TRDN: variants seen among roughly 807,000 people sequenced by gnomAD.
TRDN encodes the protein triadin in skeletal muscle.
Under a neutral mutation model 149.7 loss-of-function variants are expected in TRDN, and 161 were observed. That is an observed-to-expected ratio of 1.08 (90% CI 0.95 to 1.23). TRDN has a LOEUF of 1.23. TRDN is among the 50% of genes most tolerant of loss of function. The pLI, the probability that TRDN is intolerant of heterozygous loss-of-function variation, is 0.00. For synonymous variants in TRDN, 294 were observed against 250.5 expected, an observed-to-expected ratio of 1.17 and a Z score of -1.64; for missense variants, 896 against 823.5, an observed-to-expected ratio of 1.09 and a Z score of -1.08.
At chr6:123,490,032 T>C (rs1778144469) in intron 9 of TRDN, among the ~76,000 whole-genome samples, 1 of 152,160 alleles carries the variant, frequency 6.6e-6, no homozygotes, top group Admixed American at 6.5e-5. Flanking sequence ...AGAAGATGAA[T>C]GCAGAAAGAC....
At position 123,430,158 on chromosome 6, in the gene TRDN, T is replaced by C. The variant is rs368633340; in HGVS notation, c.1051+7905A>G. On this transcript the variant is annotated intron_variant, in intron 12 of 40. Coordinates refer to ENST00000334268, the MANE Select transcript of TRDN (RefSeq NM_006073.4). ...GGTGGCACGTGCCCATGGTCCCAGC[T>C]ACACAGGAGGCTGAGGTGAGAGTAT... Among the ~76,000 whole-genome samples, 8 of 151,920 alleles carry C rather than the reference T, an allele frequency of 5.3e-5. No homozygotes were observed. In the East Asian group the frequency reaches 1.4e-3, roughly 26 times the overall value.
chr6:123,231,030 T>G (rs1775579440), intron 38 of TRDN, among the ~76,000 whole-genome samples: 1 of 152,000 alleles, frequency 6.6e-6, no homozygotes, highest in South Asian at 2.1e-4. Flanking sequence ...CCCCAAAGTA[T>G]TTGAAAAGAA....
chr6:123,573,083 A>G (rs984418406), intron 1 of TRDN, among the ~76,000 whole-genome samples: 3 of 152,064 alleles, frequency 2.0e-5, no homozygotes, highest in Non-Finnish European at 2.9e-5. Flanking sequence ...AGGTATGTCT[A>G]GCTTTTCCAT....
intron 20 of TRDN, among the ~76,000 whole-genome samples, chr6:123,360,295 T>G (rs896532878): frequency 6.6e-6 from 1 of 151,992 alleles, no homozygotes; most frequent in Non-Finnish European, 1.5e-5. Flanking sequence ...AGCAGATATA[T>G]CTCAAAAGGA....
chr6:123,507,134 A>G (rs1778966151), intron 7 of TRDN, among the ~76,000 whole-genome samples: 1 of 152,114 alleles, frequency 6.6e-6, no homozygotes, highest in Non-Finnish European at 1.5e-5. Context: ...GTGTTTAGAA[A>G]TAAACTTGTC....
chr6:123,381,619 T>G (rs1781722935), intron 15 of TRDN, among the ~76,000 whole-genome samples: 1 of 152,032 alleles, frequency 6.6e-6, no homozygotes, highest in Non-Finnish European at 1.5e-5. Context: ...TAACCCAGGA[T>G]TATACTGTTT....
intron 7 of TRDN, 96 bp downstream of exon 7, chr6:123,512,207 A>G: frequency 1.5e-6 from 1 of 687,334 alleles, no homozygotes; most frequent in South Asian, 2.4e-5. Flanking sequence ...AATATAAATG[A>G]TAAAAGTTTA....
At chr6:123,628,217 G>GA (rs1487233842) in intron 1 of TRDN, among the ~76,000 whole-genome samples, 1 of 152,022 alleles carries the variant, frequency 6.6e-6, no homozygotes, top group African/African-American at 2.4e-5. Context: ...GCTTTTGATT[G>GA]AAAGTAAAGA....
intron 19 of TRDN, among the ~76,000 whole-genome samples, chr6:123,366,793 C>G (rs1781119438): frequency 1.3e-5 from 2 of 152,168 alleles, no homozygotes; most frequent in African/African-American, 2.4e-5. Context: ...GCTGGGATTA[C>G]AGGCATGAGC....
intron 24 of TRDN, among the ~76,000 whole-genome samples, chr6:123,310,410 T>C (rs9401652): frequency 0.18 from 27,532 of 151,974 alleles, 3,365 homozygotes; most frequent in East Asian, 0.6. Context: ...TTTGTGAAAT[T>C]TTCATTGCAG....
chr6:123,467,217 A>G (rs970866089), intron 9 of TRDN, among the ~76,000 whole-genome samples: 5 of 151,956 alleles, frequency 3.3e-5, no homozygotes, highest in African/African-American at 1.2e-4. Context: ...TACTGCAGAA[A>G]GAGTCTTGAA....
chr6:123,224,288 G>T, intron 38 of TRDN, 157 bp from the exon 39 acceptor site: 1 of 646,104 alleles, frequency 1.5e-6, no homozygotes, highest in Admixed American at 2.8e-5. Context: ...GACCAAAACA[G>T]GCACTTCTCT....
At chr6:123,436,179 C>T (rs1018558732) in intron 12 of TRDN, among the ~76,000 whole-genome samples, 1 of 152,100 alleles carries the variant, frequency 6.6e-6, no homozygotes, top group African/African-American at 2.4e-5. Context: ...TTTATCTTTA[C>T]CCCTCAATCA....
chr6:123,427,027 T>A (rs1458888269), intron 12 of TRDN, among the ~76,000 whole-genome samples: 1 of 152,136 alleles, frequency 6.6e-6, no homozygotes, highest in Middle Eastern at 3.4e-3. Flanking sequence ...GTCTTTGGGG[T>A]TTTTCTACTG....
intron 2 of TRDN, among the ~76,000 whole-genome samples, chr6:123,554,891 T>A (rs540183558): frequency 6.6e-6 from 1 of 152,184 alleles, no homozygotes; most frequent in Admixed American, 6.5e-5. Flanking sequence ...GCTCAAGGTC[T>A]GGCATTATTT....
chr6:123,239,969 T>A (rs1362818904), intron 38 of TRDN, among the ~76,000 whole-genome samples: 1 of 151,934 alleles, frequency 6.6e-6, no homozygotes, highest in Non-Finnish European at 1.5e-5. Flanking sequence ...AAAATATAAC[T>A]ACTCAAAAAT....
chr6:123,551,429 C>T (rs987839267), intron 2 of TRDN, among the ~76,000 whole-genome samples: 6 of 151,046 alleles, frequency 4.0e-5, no homozygotes, highest in African/African-American at 1.5e-4. Flanking sequence ...GTCTTTCAGA[C>T]CTCACATCCA....
chr6:123,372,530 A>G (rs1483295362), intron 19 of TRDN, among the ~76,000 whole-genome samples: 1 of 152,080 alleles, frequency 6.6e-6, no homozygotes, highest in African/African-American at 2.4e-5. Flanking sequence ...CAAACTGACT[A>G]CTGGCTGGCT....
intron 24 of TRDN, among the ~76,000 whole-genome samples, chr6:123,302,016 C>T (rs1036790325): frequency 6.7e-6 from 1 of 149,684 alleles, no homozygotes; most frequent in Admixed American, 6.7e-5. Context: ...GCTAGCAAGG[C>T]CTAATGCATG....
Sources: allele counts gnomAD v4.1 joint callset (sites outside exome capture counted in the v4.1 genomes callset), GRCh38; gene constraint gnomAD v4.1.1; transcripts MANE v1.5; gene names NCBI Gene and HGNC (gene_info 2026-07-23, HGNC 2026-07-21).